MACROD2: variants seen among roughly 807,000 people sequenced by gnomAD.
MACROD2 encodes ADP-ribose glycohydrolase MACROD2.
MACROD2 carries 36 observed loss-of-function variants against 70.4 expected under a neutral mutation model. The ratio of observed to expected loss-of-function variants is 0.51; its 90% CI spans 0.39 to 0.68. The LOEUF (loss-of-function observed/expected upper bound fraction) is 0.68, where lower values mean the gene tolerates loss of function less well. MACROD2 is among the 30% of genes least tolerant of loss of function. MACROD2 has a pLI of 0.00. For synonymous variants in MACROD2, 172 were observed against 178.8 expected, an observed-to-expected ratio of 0.96 and a Z score of 0.30; for missense variants, 496 against 538.4, an observed-to-expected ratio of 0.92 and a Z score of 0.78.
At chr20:14,554,607 T>C (rs1270521027) in intron 4 of MACROD2, among the ~76,000 whole-genome samples, 1 of 152,112 alleles carries the variant, frequency 6.6e-6, no homozygotes, top group Non-Finnish European at 1.5e-5. Context: ...ACCCTCCAGT[T>C]TTCAGAGAGC....
At chr20:14,037,602 T>G (rs2053330196) in intron 2 of MACROD2, among the ~76,000 whole-genome samples, 1 of 152,140 alleles carries the variant, frequency 6.6e-6, no homozygotes, top group South Asian at 2.1e-4. Flanking sequence ...AACTCAGTGA[T>G]GTCGCTAATC....
intron 4 of MACROD2, among the ~76,000 whole-genome samples, chr20:14,549,361 A>C (rs60566235): frequency 0.042 from 6,387 of 152,272 alleles, 460 homozygotes; most frequent in African/African-American, 0.14. Flanking sequence ...TAGACCTAAG[A>C]ATAAATACTG....
In MACROD2 at chr20:16,033,857, T is replaced by TGC. The variant is rs142080085; in HGVS notation, c.1154-7343_1154-7342insCG. 3.3e-4 allele frequency among the ~76,000 whole-genome samples: 46 copies of TGC among 140,850 alleles called. No homozygotes were observed. In the East Asian group the frequency reaches 3.6e-3, roughly 11 times the overall value. 92.4% of individuals were successfully genotyped at this position (140,850 alleles called of 152,430 possible). A position where few individuals can be genotyped will look rare whatever the true frequency, so the allele number is the denominator to read the frequency against. ...GTTCAGAACCTATCACAGTAGGGGG[T>TGC]GGGGTGGGGGAGAAAGAGAAAGGGA... On this transcript the variant is annotated intron_variant, in intron 15 of 17. Transcript: ENST00000684519.
In MACROD2 at chr20:15,866,342, G is replaced by A. The variant is rs182683350; in HGVS notation, c.727+3516G>A. Among the ~76,000 whole-genome samples the A allele has an allele frequency of 1.3e-4, 20 of 152,142 alleles. No homozygotes were observed. The East Asian group carries it at 3.9e-3, about 29-fold the overall frequency. ...GCTCGGGGATTTGAGGCTGCAGTTG[G>A]CTATGATTGCACCACTGAACTCCAG... is the stretch of plus-strand genomic sequence containing the variant. On this transcript the variant is annotated intron_variant, in intron 9 of 17. Transcript: ENST00000684519.
intron 5 of MACROD2, among the ~76,000 whole-genome samples, chr20:14,756,637 C>T (rs979399051): frequency 6.6e-6 from 1 of 152,064 alleles, no homozygotes; most frequent in African/African-American, 2.4e-5. Flanking sequence ...TCTAATGAGG[C>T]TTTAGACTAC....
At chr20:15,223,405 T>G (rs1247082970) in intron 5 of MACROD2, among the ~76,000 whole-genome samples, 1 of 152,216 alleles carries the variant, frequency 6.6e-6, no homozygotes, top group African/African-American at 2.4e-5. Flanking sequence ...GCTAATTCTG[T>G]GACAGCCATG....
intron 4 of MACROD2, among the ~76,000 whole-genome samples, chr20:14,652,066 G>C (rs893725792): frequency 3.9e-5 from 6 of 152,222 alleles, no homozygotes; most frequent in Middle Eastern, 3.4e-3. Flanking sequence ...GCAGGGCAAA[G>C]AGATACCCAA....
chr20:14,714,760 C>G (rs1160856691), intron 5 of MACROD2, among the ~76,000 whole-genome samples: 4 of 152,172 alleles, frequency 2.6e-5, no homozygotes, highest in Non-Finnish European at 5.9e-5. Flanking sequence ...TTCAAGACCT[C>G]CTTGACTAGG....
At chr20:14,839,067 A>G (rs2073060443) in intron 5 of MACROD2, among the ~76,000 whole-genome samples, 1 of 152,046 alleles carries the variant, frequency 6.6e-6, no homozygotes, top group Admixed American at 6.6e-5. Context: ...TAGTCATTTC[A>G]AGGCATTTAT....
At chr20:16,046,485 T>C (rs759688332) in intron 17 of MACROD2, among the ~76,000 whole-genome samples, 2 of 152,024 alleles carry the variant, frequency 1.3e-5, no homozygotes, top group Admixed American at 6.6e-5. Flanking sequence ...CCTTTTACCC[T>C]TTTGCTGCCA....
intron 5 of MACROD2, among the ~76,000 whole-genome samples, chr20:15,142,551 G>A (rs1390997957): frequency 2.0e-5 from 3 of 151,986 alleles, no homozygotes; most frequent in Non-Finnish European, 1.5e-5. Flanking sequence ...TAGGGTACAT[G>A]TGCACAACGT....
chr20:16,046,442 CAATTT>C (rs1485902544), intron 17 of MACROD2, among the ~76,000 whole-genome samples: 6 of 151,620 alleles, frequency 4.0e-5, no homozygotes, highest in Non-Finnish European at 7.4e-5. Context: ...TAAACTTGAA[CAATTT>C]AAATGCAAGC....
At chr20:15,314,048 T>C (rs2077782443) in intron 6 of MACROD2, among the ~76,000 whole-genome samples, 1 of 152,044 alleles carries the variant, frequency 6.6e-6, no homozygotes, top group Admixed American at 6.6e-5. Flanking sequence ...AGGACAAAGG[T>C]AAAATATCAT....
At chr20:15,666,268 G>A (rs952471520) in intron 8 of MACROD2, among the ~76,000 whole-genome samples, 16 of 152,186 alleles carry the variant, frequency 1.1e-4, no homozygotes, top group African/African-American at 3.4e-4. Context: ...CCAACCCTCC[G>A]GCAACTCTAG....
chr20:14,365,924 G>A (rs2083267606), intron 3 of MACROD2, among the ~76,000 whole-genome samples: 1 of 152,010 alleles, frequency 6.6e-6, no homozygotes. Context: ...TTTTTCTTCT[G>A]TTATTGATCT....
chr20:15,685,465 A>G (rs1467290963), intron 8 of MACROD2, among the ~76,000 whole-genome samples: 1 of 152,220 alleles, frequency 6.6e-6, no homozygotes, highest in African/African-American at 2.4e-5. Flanking sequence ...ATAAAGCTTT[A>G]GAAGGTTCAG....
intron 3 of MACROD2, among the ~76,000 whole-genome samples, chr20:14,340,833 C>A (rs1352259234): frequency 6.6e-6 from 1 of 152,184 alleles, no homozygotes; most frequent in Non-Finnish European, 1.5e-5. Flanking sequence ...CTAAACTTGT[C>A]ATCTCAAAGG....
At chr20:15,366,929 G>A (rs1211202401) in intron 6 of MACROD2, among the ~76,000 whole-genome samples, 1 of 151,734 alleles carries the variant, frequency 6.6e-6, no homozygotes, top group African/African-American at 2.4e-5. Flanking sequence ...TTCCTGTTTT[G>A]TCTTGACACA....
chr20:15,454,625 A>G (rs2046695195), intron 7 of MACROD2, among the ~76,000 whole-genome samples: 1 of 152,126 alleles, frequency 6.6e-6, no homozygotes. Flanking sequence ...TTCATGAGAG[A>G]CAGCCTAACA....
Sources: allele counts gnomAD v4.1 joint callset (sites outside exome capture counted in the v4.1 genomes callset), GRCh38; gene constraint gnomAD v4.1.1; transcripts MANE v1.5; gene names NCBI Gene and HGNC (gene_info 2026-07-23, HGNC 2026-07-21).